The following NRTN variants were observed in gnomAD, a reference collection of about 807,000 sequenced individuals.
NRTN encodes prepro-neurturin.
In NRTN, 3 loss-of-function variants were observed where a neutral mutation model predicts 7.5. That is an observed-to-expected ratio of 0.40 (90% CI 0.18 to 1.03). The LOEUF (loss-of-function observed/expected upper bound fraction) is 1.03. Ranked by LOEUF, NRTN falls within the 50% of genes least tolerant of loss-of-function variation. The pLI, the probability that NRTN is intolerant of heterozygous loss-of-function variation, is 0.34. For missense variants in NRTN, 310 were observed against 307.0 expected, an observed-to-expected ratio of 1.01 and a Z score of -0.07; for synonymous variants, 157 against 146.6, an observed-to-expected ratio of 1.07 and a Z score of -0.51.
chr19:5,817,457 G>C (rs2057008508), intron 1 of NRTN, among the ~76,000 whole-genome samples: 1 of 73,498 alleles, frequency 1.4e-5, no homozygotes, highest in African/African-American at 7.0e-5. Context: ...GGAAGGGAAA[G>C]AGAGAAAGAG....
chr19:5,827,352 CGAG>C (rs1334122036), intron 2 of NRTN, among the ~76,000 whole-genome samples: 1 of 151,420 alleles, frequency 6.6e-6, no homozygotes, highest in Non-Finnish European at 1.5e-5. Flanking sequence ...CGATGGAGGA[CGAG>C]GAGAATGGAG....
At chr19:5,827,220 G>A (rs2057049726) in intron 2 of NRTN, among the ~76,000 whole-genome samples, 1 of 152,174 alleles carries the variant, frequency 6.6e-6, no homozygotes, top group South Asian at 2.1e-4. Flanking sequence ...GGGCTCTAGA[G>A]ACCTATGACA....
chr19:5,820,105 A>G (rs1269278743), intron 1 of NRTN, among the ~76,000 whole-genome samples: 1 of 148,242 alleles, frequency 6.7e-6, no homozygotes, highest in African/African-American at 2.6e-5. Context: ...TCTCTACTAA[A>G]AATACAAAAA....
At chr19:5,811,541 A>AT (rs1173064547) in intron 1 of NRTN, among the ~76,000 whole-genome samples, 2 of 152,118 alleles carry the variant, frequency 1.3e-5, no homozygotes, top group African/African-American at 4.8e-5. Flanking sequence ...TATTATTACT[A>AT]TTATTATTAG....
At chr19:5,818,173 AG>A (rs2057012065) in intron 1 of NRTN, among the ~76,000 whole-genome samples, 1 of 152,120 alleles carries the variant, frequency 6.6e-6, no homozygotes, top group Non-Finnish European at 1.5e-5. Context: ...CATGTTGGCC[AG>A]GTTGGTCTCG....
In NRTN at chr19:5,827,803, C is replaced by G; in HGVS notation, c.224C>G (p.Pro75Arg). Reference protein sequence around the residue: ...PDAMELRELTPWAGRPPGPRR... With the variant: ...PDAMELRELTRWAGRPPGPRR... ...GCGATGGAGCTGCGCGAGCTGACGCCCTGGGCTGGGCGGCCCCCAGGTCCG... is the reference window on the plus strand; with the variant it reads ...GCGATGGAGCTGCGCGAGCTGACGCGCTGGGCTGGGCGGCCCCCAGGTCCG... The change falls in exon 3 of 3, where the codon CCC (proline) becomes CGC (arginine). Residue 75 changes from proline to arginine, a missense_variant. Physicochemically the swap from Pro to Arg is moderately radical, Grantham distance 103 (BLOSUM62 -2). Coordinates refer to ENST00000303212, the MANE Select transcript of NRTN (RefSeq NM_004558.5). The G allele has an allele frequency of 8.4e-7, 1 of 1,190,304 alleles. No individual in the cohort carries two copies. Among genetic ancestry groups the G allele is most frequent in the South Asian group, 4.0e-5 (1 of 24,992 alleles). The allele number at this position is 1,190,304 out of a possible 1,614,324, so 73.7% of individuals were successfully genotyped here.
At chr19:5,810,138 G>T (rs1019857953) in intron 1 of NRTN, among the ~76,000 whole-genome samples, 8 of 151,270 alleles carry the variant, frequency 5.3e-5, no homozygotes, top group Non-Finnish European at 1.0e-4. Flanking sequence ...ATGGTGGCAG[G>T]CACCTGTAGT....
At chr19:5,827,704 C>A in intron 2 of NRTN, 45 bp from the exon 3 acceptor site, 2 of 814,446 alleles carry the variant, frequency 2.5e-6, no homozygotes, top group Non-Finnish European at 3.2e-6. Flanking sequence ...CCTCCCACCC[C>A]CTGCACCCAC....
rs372274776 is a variant in NRTN, at chr19:5,815,737, G to GTT, written c.-398-8013_-398-8012dup. Reference sequence around the variant, plus strand: ...AGACGTGAGCCACCGCGCCCGGCCTGTTTTTTTTTTTTTTTTTTTCTTTTT... The same window carrying GTT: ...AGACGTGAGCCACCGCGCCCGGCCTGTTTTTTTTTTTTTTTTTTTTTCTTTTT... On this transcript the variant is annotated intron_variant, in intron 1 of 2. Coordinates refer to ENST00000303212, the MANE Select transcript of NRTN (RefSeq NM_004558.5). Among the ~76,000 whole-genome samples the GTT allele has an allele frequency of 2.4e-4, 29 of 120,362 alleles. 2 individuals are homozygous for GTT. Among genetic ancestry groups the GTT allele is most frequent in the Admixed American group, 4.3e-4 (5 of 11,716 alleles). 79.0% of individuals were successfully genotyped at this position (120,362 alleles called of 152,430 possible).
At position 5,827,926 on chromosome 19, in the gene NRTN, G is replaced by C. The variant is rs1272774057; in HGVS notation, c.347G>C (p.Gly116Ala). ...RELEVRVSEL[G>A]LGYASDETVL... Reference sequence around the variant, plus strand: ...CTGGAGGTGCGCGTGAGCGAGCTGGGCCTGGGCTACGCGTCCGACGAGACG... The same window carrying C: ...CTGGAGGTGCGCGTGAGCGAGCTGGCCCTGGGCTACGCGTCCGACGAGACG... The change falls in exon 3 of 3, where the codon GGC becomes GCC. Residue 116 changes from glycine (G) to alanine (A), a missense_variant. Coordinates refer to ENST00000303212, the MANE Select transcript of NRTN (RefSeq NM_004558.5). 1 of 1,481,378 alleles carries C rather than the reference G, an allele frequency of 6.8e-7. No homozygotes were observed. The highest frequency in any genetic ancestry group is 2.1e-5 in the Admixed American group (1 of 47,290). 91.8% of individuals were successfully genotyped at this position (1,481,378 alleles called of 1,614,324 possible).
intron 1 of NRTN, among the ~76,000 whole-genome samples, chr19:5,813,629 A>T (rs1454795929): frequency 1.3e-5 from 2 of 150,994 alleles, no homozygotes; most frequent in Non-Finnish European, 2.9e-5. Flanking sequence ...AGCTGTGATC[A>T]TGCCACTGCA....
chr19:5,813,711 A>G (rs945529759), intron 1 of NRTN, among the ~76,000 whole-genome samples: 2 of 148,038 alleles, frequency 1.4e-5, no homozygotes, highest in Non-Finnish European at 3.0e-5. Flanking sequence ...ATGGTGGCGC[A>G]CACCTGTAGT....
At chr19:5,821,899 C>G (rs2057026010) in intron 1 of NRTN, among the ~76,000 whole-genome samples, 1 of 152,186 alleles carries the variant, frequency 6.6e-6, no homozygotes, top group African/African-American at 2.4e-5. Flanking sequence ...CCCAGCCCAG[C>G]CCATATGGTG....
At chr19:5,823,015 C>T (rs1312594582) in intron 1 of NRTN, among the ~76,000 whole-genome samples, 1 of 139,520 alleles carries the variant, frequency 7.2e-6, no homozygotes, top group African/African-American at 2.7e-5. Context: ...CAGAGCAAGA[C>T]CCTGTCTCAA....
intron 1 of NRTN, among the ~76,000 whole-genome samples, chr19:5,816,124 C>A (rs545489680): frequency 6.6e-6 from 1 of 152,010 alleles, no homozygotes; most frequent in South Asian, 2.1e-4. Flanking sequence ...TGGTCTCGAA[C>A]TTCCAGGCTC....
rs1447834207 is a variant in NRTN, at chr19:5,805,393, T to A, written c.-457T>A. Among the ~76,000 whole-genome samples the A allele has an allele frequency of 4.5e-5, 1 of 22,260 alleles. No individual in the cohort carries two copies. The highest frequency in any genetic ancestry group is 8.0e-5 in the Non-Finnish European group (1 of 12,576). The allele number at this position is 22,260 out of a possible 152,430, so 14.6% of individuals were successfully genotyped here. On this transcript the variant is annotated 5_prime_UTR_variant, in exon 1 of 3. Coordinates refer to ENST00000303212, the MANE Select transcript of NRTN (RefSeq NM_004558.5). ...CGGCCCGGATGGCGGTCGCGGCGGC[T>A]GGGGCAGGGGCTGGGGCCGCGCGGC...
intron 2 of NRTN, 138 bp downstream of exon 2, chr19:5,824,472 G>A (rs2057038387): frequency 2.7e-6 from 3 of 1,099,530 alleles, no homozygotes; most frequent in Non-Finnish European, 4.0e-6. Flanking sequence ...GGGAGGCAGG[G>A]ACAGACATCC....
At position 5,823,824 on chromosome 19, in the gene NRTN, T is replaced by C; in HGVS notation, c.-342T>C. On this transcript the variant is annotated 5_prime_UTR_variant, in exon 2 of 3. Coordinates refer to ENST00000303212, the MANE Select transcript of NRTN (RefSeq NM_004558.5). ...GGGATACGCCACACTCAGTCTGGCC[T>C]CGGGGCCTTTGCACTGGCTGTGTCC... 1 of 441,682 alleles carries C rather than the reference T, an allele frequency of 2.3e-6. No individual in the cohort carries two copies. Among genetic ancestry groups the C allele is most frequent in the East Asian group, 4.7e-5 (1 of 21,434 alleles). 27.4% of individuals were successfully genotyped at this position (441,682 alleles called of 1,614,324 possible). A position where few individuals can be genotyped will look rare whatever the true frequency, so the allele number is the denominator to read the frequency against.
At chr19:5,810,895 C>T (rs1009434682) in intron 1 of NRTN, among the ~76,000 whole-genome samples, 4 of 151,176 alleles carry the variant, frequency 2.6e-5, no homozygotes, top group African/African-American at 9.8e-5. Flanking sequence ...CTCCACTGCA[C>T]TCCAGCCTGG....
Sources: allele counts gnomAD v4.1 joint callset (sites outside exome capture counted in the v4.1 genomes callset), GRCh38; gene constraint gnomAD v4.1.1; transcripts MANE v1.5; gene names NCBI Gene and HGNC (gene_info 2026-07-23, HGNC 2026-07-21).